Variants in GAB2 observed in about 807,000 individuals in gnomAD.
The protein encoded by GAB2 is GRB2-associated-binding protein 2.
In GAB2, 26 loss-of-function variants were observed where a neutral mutation model predicts 65.5. The observed-to-expected ratio is 0.40, with a 90% CI of 0.29 to 0.55. The LOEUF is 0.55. Among genes scored for constraint, GAB2 ranks in the 20% least tolerant of loss-of-function variants. The pLI, the probability that GAB2 is intolerant of heterozygous loss-of-function variation, is 0.53. For missense variants in GAB2, 884 were observed against 875.8 expected, an observed-to-expected ratio of 1.01 and a Z score of -0.12; for synonymous variants, 321 against 329.6, an observed-to-expected ratio of 0.97 and a Z score of 0.28.
intron 1 of GAB2, among the ~76,000 whole-genome samples, chr11:78,355,338 A>G (rs552846141): frequency 2.0e-5 from 3 of 152,186 alleles, no homozygotes; most frequent in Non-Finnish European, 4.4e-5. Context: ...CTCCCACCCA[A>G]CTGTAACCTT....
chr11:78,341,617 A>C (rs1856096634), intron 1 of GAB2: 1 of 237,156 alleles, frequency 4.2e-6, no homozygotes. Context: ...ATCCTCACGA[A>C]TCTCATCAAG....
intron 3 of GAB2, among the ~76,000 whole-genome samples, chr11:78,227,402 A>G (rs971221760): frequency 5.3e-5 from 8 of 152,198 alleles, no homozygotes; most frequent in Admixed American, 3.3e-4. Flanking sequence ...CTTTAAGTTG[A>G]TGACAGGAAA....
rs182680246 is a variant in GAB2 at position 78,278,494 on chromosome 11, C to T, written c.376+2107G>A. On this transcript the variant is annotated intron_variant, in intron 2 of 9. Coordinates refer to ENST00000361507, the MANE Select transcript of GAB2 (RefSeq NM_080491.3). ...CTCCTGAGTTCAAGCAATTCTCTCA[C>T]TTCTGCCTCCTGAGTAGCTGGGAAT... Among the ~76,000 whole-genome samples, 10 of 151,320 alleles carry T rather than the reference C, an allele frequency of 6.6e-5. No individual in the cohort carries two copies. The East Asian group carries it at 2.0e-3, about 30-fold the overall frequency.
At chr11:78,241,320 GA>G (rs1387195407) in intron 3 of GAB2, among the ~76,000 whole-genome samples, 11 of 152,290 alleles carry the variant, frequency 7.2e-5, no homozygotes, top group African/African-American at 2.6e-4. Context: ...CTTTCTCTAA[GA>G]AATCCACTCC....
At chr11:78,391,076 T>G (rs902655027) in intron 1 of GAB2, among the ~76,000 whole-genome samples, 1 of 152,142 alleles carries the variant, frequency 6.6e-6, no homozygotes, top group African/African-American at 2.4e-5. Flanking sequence ...TAAATGTTAT[T>G]GTGGCAGTTT....
intron 1 of GAB2, among the ~76,000 whole-genome samples, chr11:78,296,099 G>C (rs1866815865): frequency 6.6e-6 from 1 of 152,138 alleles, no homozygotes; most frequent in Non-Finnish European, 1.5e-5. Context: ...GTTCACAATA[G>C]AGTTTACTCT....
chr11:78,298,361 G>A (rs1866898296), intron 1 of GAB2, among the ~76,000 whole-genome samples: 1 of 152,138 alleles, frequency 6.6e-6, no homozygotes, highest in African/African-American at 2.4e-5. Context: ...TTATGATGGA[G>A]AAGAGAATCA....
At chr11:78,248,601 G>A (rs1865359767) in intron 3 of GAB2, among the ~76,000 whole-genome samples, 1 of 152,168 alleles carries the variant, frequency 6.6e-6, no homozygotes, top group African/African-American at 2.4e-5. Flanking sequence ...TAGTAGAAGA[G>A]GATGGGGCAT....
intron 3 of GAB2, among the ~76,000 whole-genome samples, chr11:78,235,183 C>T (rs1864950294): frequency 6.6e-6 from 1 of 151,944 alleles, no homozygotes; most frequent in Non-Finnish European, 1.5e-5. Context: ...GACAGAGTCT[C>T]ACTCTGTCGC....
chr11:78,383,726 C>G (rs1262512702), intron 1 of GAB2, among the ~76,000 whole-genome samples: 1 of 152,020 alleles, frequency 6.6e-6, no homozygotes, highest in Non-Finnish European at 1.5e-5. Context: ...CCCCTGCACT[C>G]CAGTCTGGGC....
At chr11:78,231,336 GGTGT>G (rs58651538) in intron 3 of GAB2, among the ~76,000 whole-genome samples, 193 of 145,898 alleles carry the variant, frequency 1.3e-3, no homozygotes, top group South Asian at 5.9e-3. Context: ...GCGCGTGTGT[GGTGT>G]GTGTGTGTGT....
intron 1 of GAB2, among the ~76,000 whole-genome samples, chr11:78,311,039 TG>T (rs1855490185): frequency 6.6e-6 from 1 of 152,204 alleles, no homozygotes; most frequent in African/African-American, 2.4e-5. Context: ...ATTTATTATG[TG>T]TGAAGCTCTG....
intron 8 of GAB2, among the ~76,000 whole-genome samples, chr11:78,221,085 C>G (rs943430074): frequency 2.6e-5 from 4 of 152,290 alleles, no homozygotes; most frequent in Middle Eastern, 3.4e-3. Flanking sequence ...GGCTCGTGCT[C>G]TAGCAGAGCA....
At chr11:78,246,152 G>A (rs578826) in intron 3 of GAB2, among the ~76,000 whole-genome samples, 1 of 151,544 alleles carries the variant, frequency 6.6e-6, no homozygotes, top group African/African-American at 2.4e-5. Context: ...GGCTGGTCTC[G>A]AACTCCTGAC....
At chr11:78,401,277 T>A (rs964895031) in intron 1 of GAB2, among the ~76,000 whole-genome samples, 6 of 152,148 alleles carry the variant, frequency 3.9e-5, no homozygotes, top group African/African-American at 1.4e-4. Context: ...TCTGTACCCA[T>A]TAAACAATAG....
At position 78,371,720 on chromosome 11, in the gene GAB2, A is replaced by G. The variant is rs533350100; in HGVS notation, c.75+45926T>C. On this transcript the variant is annotated intron_variant, in intron 1 of 9. Coordinates refer to ENST00000361507, the MANE Select transcript of GAB2 (RefSeq NM_080491.3). ...AATGAACCAAGAACGTCAAACACCAATTCTCAGGGGAGACAGCTTTTCATA... is the reference window on the plus strand; with the variant it reads ...AATGAACCAAGAACGTCAAACACCAGTTCTCAGGGGAGACAGCTTTTCATA... Among the ~76,000 whole-genome samples the G allele has an allele frequency of 2.6e-3, 398 of 152,362 alleles. 7 individuals are homozygous for G. Among genetic ancestry groups the G allele is most frequent in the Middle Eastern group, 0.02 (6 of 294 alleles).
At chr11:78,261,504 A>C (rs1865731148) in intron 2 of GAB2, among the ~76,000 whole-genome samples, 1 of 152,206 alleles carries the variant, frequency 6.6e-6, no homozygotes, top group Non-Finnish European at 1.5e-5. Context: ...TAGCAAGTCT[A>C]TCTTTAGCCA....
intron 1 of GAB2, among the ~76,000 whole-genome samples, chr11:78,330,552 G>A (rs1232778229): frequency 6.6e-6 from 1 of 152,184 alleles, no homozygotes; most frequent in African/African-American, 2.4e-5. Flanking sequence ...AGTGATAGAT[G>A]ACAGAGAAGG....
At chr11:78,277,752 C>T (rs1866214846) in intron 2 of GAB2, among the ~76,000 whole-genome samples, 1 of 152,212 alleles carries the variant, frequency 6.6e-6, no homozygotes, top group Non-Finnish European at 1.5e-5. Flanking sequence ...GGACACAACC[C>T]CCTGGAAGCA....
Sources: allele counts gnomAD v4.1 joint callset (sites outside exome capture counted in the v4.1 genomes callset), GRCh38; gene constraint gnomAD v4.1.1; transcripts MANE v1.5; gene names NCBI Gene and HGNC (gene_info 2026-07-23, HGNC 2026-07-21).